ARHGAP35: variants seen among roughly 807,000 people sequenced by gnomAD.
ARHGAP35 encodes the protein Rho GTPase activating protein 35.
A neutral mutation model predicts 111.1 loss-of-function variants in ARHGAP35; 15 were observed. The observed-to-expected ratio is 0.13, with a 90% confidence interval of 0.09 to 0.21. The LOEUF (loss-of-function observed/expected upper bound fraction) is 0.21, where lower values mean the gene tolerates loss of function less well. Among genes scored for constraint, ARHGAP35 ranks in the 10% least tolerant of loss-of-function variants. The pLI is 1.00. For synonymous variants in ARHGAP35, 643 were observed against 710.3 expected, an observed-to-expected ratio of 0.91 and a Z score of 1.51; for missense variants, 1,262 against 1,873.0, an observed-to-expected ratio of 0.67 and a Z score of 6.02.
intron 1 of ARHGAP35, among the ~76,000 whole-genome samples, chr19:46,867,383 A>G (rs2055864193): frequency 6.6e-6 from 1 of 152,202 alleles, no homozygotes; most frequent in African/African-American, 2.4e-5. Flanking sequence ...TGGCCACTGT[A>G]GTAAACTGGT....
chr19:46,998,653 G>A (rs548861477), intron 5 of ARHGAP35, among the ~76,000 whole-genome samples: 7 of 152,362 alleles, frequency 4.6e-5, no homozygotes, highest in Non-Finnish European at 7.3e-5. Flanking sequence ...GGCCTGGCGC[G>A]GGTTACAAGC....
rs2056668139 is a variant in ARHGAP35 at position 46,989,428 on chromosome 19, C to G, written c.3905-116C>G. 2 of 1,379,702 alleles carry G rather than the reference C, an allele frequency of 1.4e-6. No homozygotes were observed. The highest frequency in any genetic ancestry group is 4.2e-5 in the Admixed American group (2 of 48,084). The allele number at this position is 1,379,702 out of a possible 1,614,324, so 85.5% of individuals were successfully genotyped here. ...TCCCACCCCTCCAATCCTTGCCAGTCCTGAGGCCGTCTCTGGCTCCTTGAG... is the reference window on the plus strand; with the variant it reads ...TCCCACCCCTCCAATCCTTGCCAGTGCTGAGGCCGTCTCTGGCTCCTTGAG... On this transcript the variant is annotated intron_variant, in intron 4 of 6. Transcript: ENST00000672722. The surrounding 1 kb of genome is among the most constrained non-coding windows in gnomAD (Gnocchi z 5.3).
At chr19:46,863,654 C>T (rs1035734373) in intron 1 of ARHGAP35, among the ~76,000 whole-genome samples, 1 of 151,996 alleles carries the variant, frequency 6.6e-6, no homozygotes, top group Admixed American at 6.6e-5. Flanking sequence ...CCCTTCCCCC[C>T]CGCCTTCGCC....
intron 1 of ARHGAP35, among the ~76,000 whole-genome samples, chr19:46,870,716 T>G (rs914401440): frequency 1.3e-5 from 2 of 152,200 alleles, no homozygotes; most frequent in Non-Finnish European, 2.9e-5. Flanking sequence ...ATGTACCTAG[T>G]AGTAGCCACG....
intron 1 of ARHGAP35, among the ~76,000 whole-genome samples, chr19:46,899,281 C>G (rs2056072448): frequency 6.6e-6 from 1 of 152,034 alleles, no homozygotes; most frequent in African/African-American, 2.4e-5. Context: ...ATGCTCATGG[C>G]ATGTTCAGAG....
chr19:46,976,935 T>C (rs11671945), intron 3 of ARHGAP35, among the ~76,000 whole-genome samples: 152,275 of 152,350 alleles, frequency 1, 76,100 homozygotes, highest in Middle Eastern at 1. Context: ...CAAATCCCCA[T>C]GCCTCTATAA....
chr19:46,918,949 C>A lies in ARHGAP35; in HGVS notation c.274C>A (p.His92Asn), dbSNP rs1482840726. The A allele has an allele frequency of 1.9e-6, 3 of 1,613,864 alleles. No individual in the cohort carries two copies. Among genetic ancestry groups the A allele is most frequent in the Non-Finnish European group, 2.5e-6 (3 of 1,179,902 alleles). ...SLEDCVECKMHIVEQTEFIDD... is the reference protein window; with the variant it reads ...SLEDCVECKMNIVEQTEFIDD... The stretch of plus-strand genomic sequence containing the variant: ...GGAGGATTGTGTGGAATGTAAGATG[C>A]ACATTGTGGAGCAGACTGAATTTAT... Residue 92 changes from histidine to asparagine, a missense_variant, in exon 2 of 7, where the codon CAC becomes AAC. Physicochemically the swap from His to Asn is moderately conservative, Grantham distance 68. Transcript: ENST00000672722. This position sits in a 1 kb window ranked among gnomAD's most constrained non-coding sequence, Gnocchi z 5.4.
At chr19:46,966,834 T>C (rs1194156745) in intron 3 of ARHGAP35, among the ~76,000 whole-genome samples, 1 of 152,188 alleles carries the variant, frequency 6.6e-6, no homozygotes, top group East Asian at 1.9e-4. Flanking sequence ...AGAAAATTAA[T>C]ATCTCTCCAC....
intron 3 of ARHGAP35, among the ~76,000 whole-genome samples, chr19:46,974,805 C>G (rs2056570749): frequency 6.6e-6 from 1 of 152,152 alleles, no homozygotes; most frequent in Non-Finnish European, 1.5e-5. Context: ...AGACCAGCCC[C>G]CATATCCTGC....
intron 1 of ARHGAP35, among the ~76,000 whole-genome samples, chr19:46,913,882 G>A (rs1312740103): frequency 2.0e-5 from 3 of 152,160 alleles, no homozygotes; most frequent in South Asian, 2.1e-4. Flanking sequence ...AAGAACACTG[G>A]TTCCCATCAC....
At chr19:46,881,049 A>G (rs1032281441) in intron 1 of ARHGAP35, among the ~76,000 whole-genome samples, 2 of 151,580 alleles carry the variant, frequency 1.3e-5, no homozygotes, top group African/African-American at 4.9e-5. Context: ...GGTTCAAGCA[A>G]TTCTCCGGCC....
At chr19:46,987,578 T>C (rs1204116405) in intron 3 of ARHGAP35, among the ~76,000 whole-genome samples, 2 of 152,170 alleles carry the variant, frequency 1.3e-5, no homozygotes, top group East Asian at 3.8e-4. Context: ...GTCTTTAAAA[T>C]CATGTAAAAG....
At chr19:46,883,207 G>C (rs982692232) in intron 1 of ARHGAP35, among the ~76,000 whole-genome samples, 3 of 151,608 alleles carry the variant, frequency 2.0e-5, no homozygotes, top group African/African-American at 7.3e-5. Flanking sequence ...CGATCCTCCT[G>C]CCTTAGCCCC....
At chr19:46,998,903 G>C (rs1223556870) in intron 5 of ARHGAP35, among the ~76,000 whole-genome samples, 2 of 152,256 alleles carry the variant, frequency 1.3e-5, no homozygotes, top group Non-Finnish European at 2.9e-5. Context: ...TGTTGGCGTG[G>C]GTGGGTGGCA....
At chr19:46,981,079 T>C (rs541052147) in intron 3 of ARHGAP35, among the ~76,000 whole-genome samples, 14 of 152,312 alleles carry the variant, frequency 9.2e-5, no homozygotes, top group Middle Eastern at 3.4e-3. Context: ...ACTGTTAGCA[T>C]TGGATGAAAA....
chr19:46,910,636 C>T (rs1398062461), intron 1 of ARHGAP35, among the ~76,000 whole-genome samples: 1 of 152,024 alleles, frequency 6.6e-6, no homozygotes, highest in African/African-American at 2.4e-5. Flanking sequence ...GTTGCCCAGG[C>T]TGGAGTGCAG....
intron 1 of ARHGAP35, among the ~76,000 whole-genome samples, chr19:46,913,344 T>C (rs892033085): frequency 2.0e-5 from 3 of 151,818 alleles, no homozygotes; most frequent in Non-Finnish European, 4.4e-5. Flanking sequence ...CAGTATGAAC[T>C]TTCCCAGTCA....
chr19:46,898,240 CAAA>C (rs745892205), intron 1 of ARHGAP35, among the ~76,000 whole-genome samples: 2 of 66,446 alleles, frequency 3.0e-5, no homozygotes, highest in Non-Finnish European at 6.3e-5. Context: ...GACTCCGTCT[CAAA>C]AAAAAAAAAA....
chr19:46,945,074 ACT>A lies in ARHGAP35; in HGVS notation c.3826+7672_3826+7673del, dbSNP rs1244052312. On this transcript the variant is annotated intron_variant, in intron 3 of 6. Transcript: ENST00000672722. This position sits in a 1 kb window ranked among gnomAD's most constrained non-coding sequence, Gnocchi z 4.1. ...TGTGCTAATAGGATATTCGACTTTC[ACT>A]CTCTCAGCTCCGGTTACATGGAAAG... Among the ~76,000 whole-genome samples, 2 of 151,576 alleles carry A rather than the reference ACT, an allele frequency of 1.3e-5. No homozygotes were observed. The highest frequency in any genetic ancestry group is 2.9e-5 in the Non-Finnish European group (2 of 67,930).
Sources: gnomAD v4.1 joint callset for allele counts (sites outside exome capture counted in the v4.1 genomes callset) on GRCh38, gnomAD v4.1.1 for gene constraint, Gnocchi (gnomAD v3.1) non-coding constraint, MANE v1.5 for transcripts, NCBI Gene and HGNC (gene_info 2026-07-23, HGNC 2026-07-21) for gene names.